The following POC5 variants were observed in gnomAD, a reference collection of about 807,000 sequenced individuals.
The protein encoded by POC5 is centrosomal protein POC5.
In POC5, 48 loss-of-function variants were observed where a neutral mutation model predicts 62.9. That is an observed-to-expected ratio of 0.76 (90% CI 0.61 to 0.97). The LOEUF is 0.97. POC5 is among the 50% of genes least tolerant of loss of function. POC5 has a pLI of 0.00. For synonymous variants in POC5, 236 were observed against 228.2 expected, an observed-to-expected ratio of 1.03 and a Z score of -0.31; for missense variants, 696 against 679.5, an observed-to-expected ratio of 1.02 and a Z score of -0.27.
intron 2 of POC5, 82 bp from the exon 3 acceptor site, chr5:75,707,957 T>G: frequency 7.9e-7 from 1 of 1,268,162 alleles, no homozygotes; most frequent in Non-Finnish European, 1.1e-6. Context: ...TTAAAGAAAT[T>G]TAATTACCAT....
chr5:75,713,133 C>T (rs17649362), intron 1 of POC5, among the ~76,000 whole-genome samples, 182 bp from the exon 2 acceptor site: 25,714 of 152,138 alleles, frequency 0.17, 2,395 homozygotes, highest in South Asian at 0.21. Flanking sequence ...AGTTGAAGAC[C>T]CAGTCCCAAT....
intron 2 of POC5, among the ~76,000 whole-genome samples, chr5:75,711,660 T>C (rs1208282229): frequency 1.3e-5 from 2 of 152,196 alleles, no homozygotes; most frequent in Non-Finnish European, 2.9e-5. Flanking sequence ...GTACAGGGAA[T>C]ATGGAGAGGC....
At chr5:75,682,520 T>TC (rs796649555) in intron 10 of POC5, among the ~76,000 whole-genome samples, 2 of 145,344 alleles carry the variant, frequency 1.4e-5, no homozygotes, top group African/African-American at 5.3e-5. Context: ...TTTCTTTCTT[T>TC]TTTTTTTTTT....
chr5:75,706,332 G>A (rs563438189), intron 3 of POC5, among the ~76,000 whole-genome samples: 254 of 152,274 alleles, frequency 1.7e-3, no homozygotes, highest in Admixed American at 3.7e-3. Context: ...GAGATACCAA[G>A]AATAAAGAGA....
At chr5:75,676,508 G>C (rs921632034) in intron 11 of POC5, among the ~76,000 whole-genome samples, 1 of 151,930 alleles carries the variant, frequency 6.6e-6, no homozygotes, top group African/African-American at 2.4e-5. Context: ...AATCAATCCA[G>C]CTTGTCTTCA....
At position 75,694,672 on chromosome 5, in the gene POC5, T is replaced by A; in HGVS notation, c.673A>T (p.Ile225Phe). Reference protein sequence around the residue: ...KELQKTFEISIGRKDEVISSL... With the variant: ...KELQKTFEISFGRKDEVISSL... ...AAGAAGACCTCATCTTTTCTCCCAA[T>A]GGAGATTTCAAAGGTTTTTTGCAGC... Residue 225 changes from isoleucine to phenylalanine, a missense_variant, in exon 6 of 12, where the codon ATT becomes TTT. Coordinates refer to ENST00000428202, the MANE Select transcript of POC5 (RefSeq NM_001099271.2). 6.4e-7 allele frequency: 1 copy of A among 1,561,926 alleles called. No homozygotes were observed. Among genetic ancestry groups the A allele is most frequent in the Non-Finnish European group, 8.6e-7 (1 of 1,158,668 alleles).
intron 6 of POC5, 92 bp from the exon 7 acceptor site, chr5:75,692,592 A>AT (rs1396581969): frequency 1.2e-6 from 1 of 818,402 alleles, no homozygotes; most frequent in Non-Finnish European, 1.9e-6. Flanking sequence ...GCTAGAGAGG[A>AT]TAGGTATGGA....
chr5:75,689,690 T>A, intron 8 of POC5: 1 of 983,704 alleles, frequency 1.0e-6, no homozygotes, highest in Non-Finnish European at 1.2e-6. Flanking sequence ...CTGCAGAAAA[T>A]TATTTGTATT....
intron 10 of POC5, among the ~76,000 whole-genome samples, chr5:75,684,345 A>T (rs901457230): frequency 3.3e-5 from 5 of 151,248 alleles, no homozygotes; most frequent in Admixed American, 1.3e-4. Flanking sequence ...CTCAAATTAA[A>T]TCTACTTTTC....
intron 11 of POC5, among the ~76,000 whole-genome samples, chr5:75,674,928 G>A (rs1012308909): frequency 3.9e-5 from 6 of 152,184 alleles, no homozygotes; most frequent in Non-Finnish European, 8.8e-5. Context: ...TGGAAGAGGG[G>A]TCAGCCCTGA....
intron 10 of POC5, among the ~76,000 whole-genome samples, chr5:75,680,929 TG>T (rs1404111306): frequency 6.6e-6 from 1 of 152,162 alleles, no homozygotes; most frequent in Non-Finnish European, 1.5e-5. Flanking sequence ...GCATTAGGTA[TG>T]TATCATTCTC....
chr5:75,677,809 A>G lies in POC5; in HGVS notation c.1549T>C (p.Ser517Pro). ...AIMGVSPPMS[S>P]VVVEKHHPVT... ...GGATGATGTTTTTCCACAACAACTG[A>G]GCTCATGGGAGGAGAAACTCCCATT... The change falls in exon 11 of 12, where the codon TCA becomes CCA. Residue 517 changes from serine to proline, a missense_variant. Ser to Pro is a moderately conservative substitution (Grantham distance 74, BLOSUM62 -1). Coordinates refer to ENST00000428202, the MANE Select transcript of POC5 (RefSeq NM_001099271.2). 1 of 1,611,552 alleles carries G rather than the reference A, an allele frequency of 6.2e-7. No homozygotes were observed. The highest frequency in any genetic ancestry group is 8.5e-7 in the Non-Finnish European group (1 of 1,178,834).
In POC5 at chr5:75,706,638, A is replaced by G. The variant is rs192680417; in HGVS notation, c.224-851T>C. Among the ~76,000 whole-genome samples, 373 of 151,748 alleles carry G rather than the reference A, an allele frequency of 2.5e-3. 2 individuals are homozygous for G. The highest frequency in any genetic ancestry group is 4.6e-3 in the Non-Finnish European group (314 of 67,938). ...AAGTGCAGTGGCATAATCATGGCAC[A>G]CTGCAGCCTTGAACTCCTGAGCTCA... On this transcript the variant is annotated intron_variant, in intron 3 of 11. Transcript: ENST00000428202.
rs1321810248 is a variant in POC5 at position 75,677,902 on chromosome 5, T to C, written c.1456A>G (p.Ile486Val). The change falls in exon 11 of 12, where the codon ATT (isoleucine) becomes GTT (valine). Residue 486 changes from isoleucine to valine, a missense_variant. Transcript: ENST00000428202. ...CATCTTCCTGTGATCCGGGCTGTAA[T>C]AGTTCTTCCTGCTTTCTGTTGTGCA... ...TSAQQKAGRT[I>V]TARITGRCDF... 5 of 1,610,650 alleles carry C rather than the reference T, an allele frequency of 3.1e-6. No individual in the cohort carries two copies. Among genetic ancestry groups the C allele is most frequent in the Non-Finnish European group, 4.2e-6 (5 of 1,178,326 alleles).
intron 5 of POC5, among the ~76,000 whole-genome samples, chr5:75,701,905 C>T (rs750773982): frequency 1.6e-4 from 25 of 152,194 alleles, no homozygotes; most frequent in Non-Finnish European, 2.8e-4. Context: ...TTGGATCTTT[C>T]GTTATTGCAT....
At chr5:75,714,787 C>T (rs1187263129) in intron 1 of POC5, among the ~76,000 whole-genome samples, 5 of 152,090 alleles carry the variant, frequency 3.3e-5, no homozygotes, top group Non-Finnish European at 7.4e-5. Flanking sequence ...ACGTAGTGCG[C>T]TACTCCAAGA....
Position 75,677,941 on chromosome 5 carries a change from T to C in POC5, c.1417A>G (p.Arg473Gly), listed in dbSNP as rs752738284. ...TTCTGTTGTGCAGAGGTTACAACTC[T>C]TGGCACATACTAAGAAGAAAAAAAA... ...TAASEEMYVP[R>G]VVTSAQQKAG... Residue 473 changes from arginine to glycine, a missense_variant, in exon 11 of 12, where the codon AGA (arginine) becomes GGA (glycine). Coordinates refer to ENST00000428202, the MANE Select transcript of POC5 (RefSeq NM_001099271.2). 5.7e-6 allele frequency: 9 copies of C among 1,566,286 alleles called. No individual in the cohort carries two copies. The East Asian group carries it at 1.6e-4, about 28-fold the overall frequency.
intron 5 of POC5, among the ~76,000 whole-genome samples, chr5:75,702,404 T>G (rs558183829): frequency 1.3e-5 from 2 of 152,110 alleles, no homozygotes; most frequent in Non-Finnish European, 2.9e-5. Flanking sequence ...CTACTGCATA[T>G]GAAGCTGTAG....
chr5:75,686,715 C>T (rs1188325530), intron 9 of POC5, among the ~76,000 whole-genome samples: 1 of 152,026 alleles, frequency 6.6e-6, no homozygotes, highest in East Asian at 1.9e-4. Context: ...CTAATATAGG[C>T]TGATATCAGA....
Sources: gnomAD v4.1 joint callset for allele counts (sites outside exome capture counted in the v4.1 genomes callset) on GRCh38, gnomAD v4.1.1 for gene constraint, MANE v1.5 for transcripts, NCBI Gene and HGNC (gene_info 2026-07-23, HGNC 2026-07-21) for gene names.